Variants in KLHL3 observed in about 807,000 individuals in gnomAD.
The protein encoded by KLHL3 is kelch-like protein 3.
In KLHL3, 19 loss-of-function variants were observed where a neutral mutation model predicts 70.5. That is an observed-to-expected ratio of 0.27 (90% CI 0.19 to 0.40). KLHL3 has a LOEUF of 0.40. Among genes scored for constraint, KLHL3 ranks in the 10% least tolerant of loss-of-function variants. The pLI is 1.00. For missense variants in KLHL3, 512 were observed against 771.1 expected (o/e 0.66, Z 3.98); for synonymous variants, 258 against 290.3 (o/e 0.89, Z 1.13).
At chr5:137,677,510 T>C in intron 6 of KLHL3, 35 bp downstream of exon 6, 1 of 1,264,734 alleles carries the variant, frequency 7.9e-7, no homozygotes, top group East Asian at 2.3e-5. Context: ...ACCTGACGAG[T>C]GAGGTTCCCG....
intron 8 of KLHL3, among the ~76,000 whole-genome samples, chr5:137,649,625 G>A (rs771053227): frequency 7.2e-5 from 11 of 152,250 alleles, no homozygotes; most frequent in Non-Finnish European, 1.5e-4. Context: ...TTAAGCCATC[G>A]TAGGGTAATT....
intron 6 of KLHL3, among the ~76,000 whole-genome samples, chr5:137,670,681 A>G (rs1288916383): frequency 6.6e-6 from 1 of 152,074 alleles, no homozygotes; most frequent in African/African-American, 2.4e-5. Flanking sequence ...AACAAACAAA[A>G]AAACCTGGCC....
intron 6 of KLHL3, among the ~76,000 whole-genome samples, chr5:137,670,661 A>AAAAC (rs1183455821): frequency 6.6e-5 from 10 of 152,052 alleles, no homozygotes; most frequent in Admixed American, 1.3e-4. Context: ...GAGAATGCTT[A>AAAAC]AAACAAACAA....
intron 6 of KLHL3, among the ~76,000 whole-genome samples, chr5:137,675,694 C>A (rs1279200613): frequency 6.6e-6 from 1 of 152,140 alleles, no homozygotes; most frequent in Non-Finnish European, 1.5e-5. Flanking sequence ...CACCCCTACT[C>A]CCCGCCAGAC....
chr5:137,716,055 T>G (rs1752886084), intron 2 of KLHL3, among the ~76,000 whole-genome samples: 1 of 152,164 alleles, frequency 6.6e-6, no homozygotes, highest in African/African-American at 2.4e-5. Flanking sequence ...CAGGGGTTAT[T>G]TATATGAGGA....
intron 5 of KLHL3, among the ~76,000 whole-genome samples, chr5:137,683,821 C>A (rs1752096386): frequency 6.6e-6 from 1 of 152,012 alleles, no homozygotes; most frequent in African/African-American, 2.4e-5. Flanking sequence ...CACACACACA[C>A]ATACACACAG....
At chr5:137,634,596 A>G (rs1750722676) in intron 11 of KLHL3, among the ~76,000 whole-genome samples, 1 of 152,226 alleles carries the variant, frequency 6.6e-6, no homozygotes, top group African/African-American at 2.4e-5. Flanking sequence ...TAGCAGATGA[A>G]GTAAATATGG....
In KLHL3 at chr5:137,618,722, G is replaced by A. The variant is rs772457005; in HGVS notation, c.*3376C>T. On this transcript the variant is annotated 3_prime_UTR_variant, in exon 15 of 15. Transcript: ENST00000309755. The stretch of plus-strand genomic sequence containing the variant: ...AGTGCCCGTCAGTGGGAGCCACCAC[G>A]AGACAGCCCGGCCTCACCCCCACAG... 3.3e-5 allele frequency: 5 copies of A among 149,540 alleles called. No homozygotes were observed. The highest frequency in any genetic ancestry group is 1.9e-4 in the East Asian group (1 of 5,140). The allele number at this position is 149,540 out of a possible 1,614,324, so 9.3% of individuals were successfully genotyped here. A position where few individuals can be genotyped will look rare whatever the true frequency, so the allele number is the denominator to read the frequency against.
In KLHL3 at chr5:137,677,671, A is replaced by T; in HGVS notation, c.527-17T>A. ...AGTGCTGCTCTGTTCCAAAAAAAAA[A>T]AAAAGAAGTTAAGAAAACAAAGTTG... On this transcript the variant is annotated splice_polypyrimidine_tract_variant and intron_variant, in intron 5 of 14. Transcript: ENST00000309755. 3 of 1,511,874 alleles carry T rather than the reference A, an allele frequency of 2.0e-6. No homozygotes were observed. The highest frequency in any genetic ancestry group is 2.7e-6 in the Non-Finnish European group (3 of 1,122,150). The allele number at this position is 1,511,874 out of a possible 1,614,324, so 93.7% of individuals were successfully genotyped here. A position where few individuals can be genotyped will look rare whatever the true frequency, so the allele number is the denominator to read the frequency against.
At chr5:137,719,093 G>GC (rs1752949782) in intron 2 of KLHL3, among the ~76,000 whole-genome samples, 1 of 152,154 alleles carries the variant, frequency 6.6e-6, no homozygotes, top group Non-Finnish European at 1.5e-5. Flanking sequence ...TTCAGCTCAA[G>GC]CATCAACCCT....
rs79632796 is a variant in KLHL3 at position 137,655,781 on chromosome 5, C to T, written c.903+2350G>A. 1.1e-4 allele frequency among the ~76,000 whole-genome samples: 17 copies of T among 151,744 alleles called. No homozygotes were observed. The East Asian group carries it at 3.1e-3, about 28-fold the overall frequency. ...GGTGGACTGCTTGAGCTCAGGAGTT[C>T]GAGACCAGCCTAGGCAATAGGCAAA... On this transcript the variant is annotated intron_variant, in intron 8 of 14. Transcript: ENST00000309755.
rs546521811 is a variant in KLHL3 at position 137,694,441 on chromosome 5, C to G, written c.364-1994G>C. On this transcript the variant is annotated intron_variant, in intron 4 of 14. Coordinates refer to ENST00000309755, the MANE Select transcript of KLHL3 (RefSeq NM_017415.3). ...AATCTAACCACCTGAACTCTCTCCC[C>G]ACTAAGCAGCCATCATCTCCTCTAA... 5.9e-5 allele frequency among the ~76,000 whole-genome samples: 9 copies of G among 152,280 alleles called. No individual in the cohort carries two copies. In the South Asian group the frequency reaches 8.3e-4, roughly 14 times the overall value.
chr5:137,711,634 C>T (rs1006949934), intron 2 of KLHL3, among the ~76,000 whole-genome samples: 4 of 152,144 alleles, frequency 2.6e-5, no homozygotes, highest in Non-Finnish European at 5.9e-5. Flanking sequence ...CAGGATAAAC[C>T]AGTGCAACCA....
intron 1 of KLHL3, among the ~76,000 whole-genome samples, chr5:137,734,535 A>T (rs1753230801): frequency 6.6e-6 from 1 of 152,206 alleles, no homozygotes; most frequent in South Asian, 2.1e-4. Flanking sequence ...GTGCCCCGTG[A>T]GACACAGAAG....
intron 8 of KLHL3, among the ~76,000 whole-genome samples, chr5:137,656,262 T>G (rs1233102861): frequency 1.3e-5 from 2 of 151,806 alleles, no homozygotes; most frequent in Non-Finnish European, 2.9e-5. Flanking sequence ...CTGTCCATAA[T>G]ATGCACATAA....
At chr5:137,720,879 CA>C in intron 1 of KLHL3, 1 of 1,168,966 alleles carries the variant, frequency 8.6e-7, no homozygotes, top group South Asian at 2.5e-5. Context: ...GGGGACTAAG[CA>C]CTCTATCACT....
intron 6 of KLHL3, among the ~76,000 whole-genome samples, chr5:137,674,391 G>A (rs1267345454): frequency 6.6e-6 from 1 of 152,040 alleles, no homozygotes; most frequent in Non-Finnish European, 1.5e-5. Flanking sequence ...GTTTAAGTAG[G>A]GAAGTCAAAA....
intron 2 of KLHL3, 28 bp from the exon 3 acceptor site, chr5:137,709,884 T>A (rs561908711): frequency 6.3e-7 from 1 of 1,584,092 alleles, no homozygotes; most frequent in Non-Finnish European, 8.7e-7. Flanking sequence ...GAGGACAGGA[T>A]GGGTTGCAGC....
intron 8 of KLHL3, among the ~76,000 whole-genome samples, chr5:137,641,353 C>T (rs1250407695): frequency 1.3e-5 from 2 of 152,170 alleles, no homozygotes; most frequent in Non-Finnish European, 2.9e-5. Context: ...GGGCCCTATC[C>T]CCAGAGTGTG....
Sources: allele counts gnomAD v4.1 joint callset (sites outside exome capture counted in the v4.1 genomes callset), GRCh38; gene constraint gnomAD v4.1.1; transcripts MANE v1.5; gene names NCBI Gene and HGNC (gene_info 2026-07-23, HGNC 2026-07-21).